FHIT: variants seen among roughly 807,000 people sequenced by gnomAD.
The protein encoded by FHIT is fragile histidine triad diadenosine triphosphatase.
A neutral mutation model predicts 17.9 loss-of-function variants in FHIT; 19 were observed. The observed-to-expected ratio is 1.06, with a 90% CI of 0.74 to 1.56. The LOEUF (loss-of-function observed/expected upper bound fraction) is 1.56, where lower values mean the gene tolerates loss of function less well. Among genes scored for constraint, FHIT ranks in the 40% most tolerant of loss-of-function variants. The pLI, the probability that FHIT is intolerant of heterozygous loss-of-function variation, is 0.00. For missense variants in FHIT, 248 were observed against 189.2 expected, an observed-to-expected ratio of 1.31 and a Z score of -1.82; for synonymous variants, 81 against 69.7, an observed-to-expected ratio of 1.16 and a Z score of -0.81.
At chr3:60,699,599 T>TAAAG in intron 4 of FHIT, among the ~76,000 whole-genome samples, 2 of 145,614 alleles carry the variant, frequency 1.4e-5, no homozygotes, top group African/African-American at 5.6e-5. Context: ...AGCATTATCG[T>TAAAG]TAGTGGGTGC....
At chr3:60,785,531 T>A (rs1382721793) in intron 4 of FHIT, among the ~76,000 whole-genome samples, 1 of 152,166 alleles carries the variant, frequency 6.6e-6, no homozygotes, top group Non-Finnish European at 1.5e-5. Flanking sequence ...GCAGCCTGGC[T>A]CTCTGCTGTG....
At chr3:61,074,320 G>T (rs975476087) in intron 2 of FHIT, among the ~76,000 whole-genome samples, 4 of 152,076 alleles carry the variant, frequency 2.6e-5, no homozygotes, top group Middle Eastern at 3.2e-3. Flanking sequence ...CTGTAATCTT[G>T]TTTTTTGTTC....
At chr3:60,789,446 A>G (rs770194751) in intron 4 of FHIT, among the ~76,000 whole-genome samples, 3 of 152,292 alleles carry the variant, frequency 2.0e-5, no homozygotes, top group Middle Eastern at 3.4e-3. Context: ...TGAACCCAGG[A>G]GACAGAGGTT....
At chr3:61,234,499 T>C (rs2040182045) in intron 1 of FHIT, among the ~76,000 whole-genome samples, 1 of 152,190 alleles carries the variant, frequency 6.6e-6, no homozygotes, top group African/African-American at 2.4e-5. Context: ...TGTAAAGTAT[T>C]ATCCAAATTT....
At chr3:61,151,952 T>C (rs2037406755) in intron 2 of FHIT, among the ~76,000 whole-genome samples, 1 of 152,240 alleles carries the variant, frequency 6.6e-6, no homozygotes. Context: ...ATTCATTATG[T>C]CTTCAAGTAG....
intron 5 of FHIT, among the ~76,000 whole-genome samples, chr3:60,224,423 CTTCCT>C (rs1167253625): frequency 2.0e-5 from 3 of 152,110 alleles, no homozygotes; most frequent in Non-Finnish European, 4.4e-5. Context: ...AAGGGAGATG[CTTCCT>C]TTCAAGACAT....
At chr3:59,798,239 G>A (rs138891585) in intron 8 of FHIT, among the ~76,000 whole-genome samples, 46 of 152,238 alleles carry the variant, frequency 3.0e-4, no homozygotes, top group African/African-American at 9.1e-4. Flanking sequence ...CACCTACGCC[G>A]CCCAGCAATG....
intron 8 of FHIT, among the ~76,000 whole-genome samples, chr3:59,888,873 G>A (rs1450437254): frequency 6.6e-6 from 1 of 152,170 alleles, no homozygotes; most frequent in Non-Finnish European, 1.5e-5. Context: ...CAGATCAAGG[G>A]GCAAGCTGCA....
chr3:60,434,979 ATCT>A (rs1223530917), intron 5 of FHIT, among the ~76,000 whole-genome samples: 1 of 152,130 alleles, frequency 6.6e-6, no homozygotes, highest in Admixed American at 6.6e-5. Context: ...TGTATCAAAG[ATCT>A]TCTTTTTTGG....
At chr3:60,930,665 A>T (rs1707901712) in intron 3 of FHIT, among the ~76,000 whole-genome samples, 1 of 152,234 alleles carries the variant, frequency 6.6e-6, no homozygotes, top group Non-Finnish European at 1.5e-5. Flanking sequence ...CCACAATGAG[A>T]TACCATCTCA....
At chr3:61,219,967 A>G (rs1476364895) in intron 1 of FHIT, among the ~76,000 whole-genome samples, 1 of 152,194 alleles carries the variant, frequency 6.6e-6, no homozygotes, top group Non-Finnish European at 1.5e-5. Context: ...TTAAGGCAAC[A>G]TTACCTGGAA....
chr3:59,855,584 A>C (rs1350206755), intron 8 of FHIT, among the ~76,000 whole-genome samples: 1 of 152,192 alleles, frequency 6.6e-6, no homozygotes, highest in East Asian at 1.9e-4. Flanking sequence ...ATCTGTACTT[A>C]TAATAGAAGA....
At chr3:60,772,413 G>A (rs1303414365) in intron 4 of FHIT, among the ~76,000 whole-genome samples, 2 of 150,960 alleles carry the variant, frequency 1.3e-5, no homozygotes, top group South Asian at 2.1e-4. Context: ...ACCAGAATAC[G>A]AATACCAAGT....
chr3:60,614,422 G>A (rs188623757), intron 4 of FHIT, among the ~76,000 whole-genome samples: 215 of 152,170 alleles, frequency 1.4e-3, no homozygotes, highest in Non-Finnish European at 2.5e-3. Context: ...TGGCCAACAT[G>A]GCAAAACTCC....
intron 2 of FHIT, among the ~76,000 whole-genome samples, chr3:61,199,548 T>C (rs1226777107): frequency 2.0e-5 from 3 of 151,358 alleles, no homozygotes; most frequent in African/African-American, 7.3e-5. Context: ...AGGATTTTTT[T>C]ATAACTCATA....
At chr3:60,996,276 G>A (rs528093021) in intron 3 of FHIT, among the ~76,000 whole-genome samples, 6 of 152,246 alleles carry the variant, frequency 3.9e-5, no homozygotes, top group South Asian at 2.1e-4. Context: ...TCCAAAGCCC[G>A]GATGCAAAAT....
rs370947016 is a variant in FHIT, at chr3:61,242,417, C to G, written c.-213+8884G>C. On this transcript the variant is annotated intron_variant, in intron 1 of 9. Coordinates refer to ENST00000492590, the MANE Select transcript of FHIT (RefSeq NM_002012.4). ...TTTCCCTACCAGAGAGACTTCTTAC[C>G]TGCATAAACAAACCTTACTAAACAA... 3.3e-5 allele frequency among the ~76,000 whole-genome samples: 5 copies of G among 152,210 alleles called. No individual in the cohort carries two copies. The South Asian group carries it at 1.0e-3, about 32-fold the overall frequency.
intron 3 of FHIT, among the ~76,000 whole-genome samples, chr3:60,938,527 C>T (rs568908471): frequency 6.6e-6 from 1 of 152,280 alleles, no homozygotes; most frequent in South Asian, 2.1e-4. Flanking sequence ...TCAGAAAGAC[C>T]AATACATTCA....
intron 2 of FHIT, among the ~76,000 whole-genome samples, chr3:61,055,161 G>C (rs746582165): frequency 5.9e-5 from 9 of 152,018 alleles, no homozygotes; most frequent in Admixed American, 1.3e-4. Context: ...CTAGGGCTAG[G>C]CTTTAGACAA....
Sources: allele counts gnomAD v4.1 joint callset (sites outside exome capture counted in the v4.1 genomes callset), GRCh38; gene constraint gnomAD v4.1.1; transcripts MANE v1.5; gene names NCBI Gene and HGNC (gene_info 2026-07-23, HGNC 2026-07-21).